The following XIRP2 variants were observed in gnomAD, a reference collection of about 807,000 sequenced individuals.
XIRP2 encodes the protein xin actin binding repeat containing 2.
XIRP2 carries 236 observed loss-of-function variants against 277.0 expected under a neutral mutation model. That is an observed-to-expected ratio of 0.85 (90% CI 0.77 to 0.95). The LOEUF (loss-of-function observed/expected upper bound fraction) is 0.95, where lower values mean the gene tolerates loss of function less well. Among genes scored for constraint, XIRP2 ranks in the 40% least tolerant of loss-of-function variants. XIRP2 has a pLI of 0.00. For missense variants in XIRP2, 4,640 were observed against 4,157.5 expected, an observed-to-expected ratio of 1.12 and a Z score of -3.19; for synonymous variants, 1,490 against 1,416.5, an observed-to-expected ratio of 1.05 and a Z score of -1.17.
Position 167,207,833 on chromosome 2 carries a change from C to A in XIRP2, c.563-2902C>A, listed in dbSNP as rs949451604. Reference sequence around the variant, plus strand: ...AGAACCTCAAAACCCTTAAAAAAGACATTCTTATCCTTGTTATCTAATAGC... The same window carrying A: ...AGAACCTCAAAACCCTTAAAAAAGAAATTCTTATCCTTGTTATCTAATAGC... On this transcript the variant is annotated intron_variant, in intron 3 of 10. Transcript: ENST00000409195. Among the ~76,000 whole-genome samples, 2 of 152,074 alleles carry A rather than the reference C, an allele frequency of 1.3e-5. 1 individual carries two copies. Among genetic ancestry groups the A allele is most frequent in the Admixed American group, 1.3e-4 (2 of 15,266 alleles).
chr2:167,175,996 T>C (rs1245917306), intron 3 of XIRP2, among the ~76,000 whole-genome samples: 2 of 152,156 alleles, frequency 1.3e-5, no homozygotes, highest in Non-Finnish European at 2.9e-5. Flanking sequence ...CCAGGTCGAC[T>C]TCAGAGTGCT....
At chr2:167,140,968 G>A (rs11902653) in intron 3 of XIRP2, 41,327 of 151,970 alleles carry the variant, frequency 0.27, 7,110 homozygotes, top group African/African-American at 0.5. Context: ...TCTGAGGACT[G>A]TGTAATGAAA....
intron 2 of XIRP2, among the ~76,000 whole-genome samples, chr2:167,007,050 G>T (rs1011409723): frequency 6.6e-6 from 1 of 151,544 alleles, no homozygotes; most frequent in African/African-American, 2.4e-5. Flanking sequence ...TAGCAACAAT[G>T]TTTCACTGCA....
chr2:167,181,374 T>A (rs548961245), intron 3 of XIRP2, among the ~76,000 whole-genome samples: 1 of 152,342 alleles, frequency 6.6e-6, no homozygotes, highest in South Asian at 2.1e-4. Flanking sequence ...TGATTCACGT[T>A]TGTTGCTCAC....
At chr2:166,988,586 G>A (rs897757212) in intron 2 of XIRP2, among the ~76,000 whole-genome samples, 6 of 135,478 alleles carry the variant, frequency 4.4e-5, no homozygotes, top group Admixed American at 1.4e-4. Context: ...GCCAGACAGT[G>A]GGCGCAGGCC....
intron 3 of XIRP2, among the ~76,000 whole-genome samples, chr2:167,173,654 G>A (rs1692759022): frequency 6.6e-6 from 1 of 152,124 alleles, no homozygotes; most frequent in Admixed American, 6.6e-5. Context: ...ACCCAGCAGT[G>A]GGATTGTTGG....
At chr2:167,152,341 G>T (rs964919143) in intron 3 of XIRP2, among the ~76,000 whole-genome samples, 1 of 150,212 alleles carries the variant, frequency 6.7e-6, no homozygotes, top group Admixed American at 6.7e-5. Flanking sequence ...GCTGCCCCCC[G>T]CCCCCAGTTT....
chr2:166,988,897 C>A (rs1687093360), intron 2 of XIRP2, among the ~76,000 whole-genome samples: 1 of 109,608 alleles, frequency 9.1e-6, no homozygotes, highest in Non-Finnish European at 1.8e-5. Flanking sequence ...GAGGGGCGCC[C>A]GCCATTGCCC....
In XIRP2 at chr2:167,249,851, A is replaced by G. The variant is rs1391052734; in HGVS notation, c.8459A>G (p.Glu2820Gly). The change falls in exon 9 of 11, where the codon GAA becomes GGA. Residue 2820 changes from glutamate (E) to glycine (G), a missense_variant. Glu to Gly is a moderately conservative substitution (Grantham distance 98). Coordinates refer to ENST00000409195, the MANE Select transcript of XIRP2 (RefSeq NM_152381.6). Reference sequence around the variant, plus strand: ...AGAGGGAAACTTCCAGGAAGTGAAGAAAAAAATCAGGGACCATCAATGATT... The same window carrying G: ...AGAGGGAAACTTCCAGGAAGTGAAGGAAAAAATCAGGGACCATCAATGATT... Reference protein sequence around the residue: ...SDRGKLPGSEEKNQGPSMIGR... With the variant: ...SDRGKLPGSEGKNQGPSMIGR... 6.2e-7 allele frequency: 1 copy of G among 1,613,474 alleles called. No individual in the cohort carries two copies. Among genetic ancestry groups the G allele is most frequent in the African/African-American group, 1.3e-5 (1 of 74,852 alleles).
intron 2 of XIRP2, among the ~76,000 whole-genome samples, chr2:167,061,151 G>C (rs1558965447): frequency 6.6e-6 from 1 of 151,876 alleles, no homozygotes; most frequent in East Asian, 1.9e-4. Flanking sequence ...ATTTCCAATT[G>C]TTTGTTACAA....
Position 167,218,170 on chromosome 2 carries a change from T to C in XIRP2, c.728T>C (p.Met243Thr), listed in dbSNP as rs1006284513. ...GDCRSFSANM[M>T]EESEMCAVPG... is the part of the protein sequence containing the mutation. ...CTTTTTCTTAAATCATCCTAGATGA[T>C]GGAAGAATCAGAAATGTGCGCAGTG... Residue 243 changes from methionine to threonine, a missense_variant, in exon 5 of 11, where the codon ATG becomes ACG. Physicochemically the swap from Met to Thr is moderately conservative, Grantham distance 81. Transcript: ENST00000409195. 2 of 1,587,898 alleles carry C rather than the reference T, an allele frequency of 1.3e-6. No individual in the cohort carries two copies. Among genetic ancestry groups the C allele is most frequent in the East Asian group, 2.2e-5 (1 of 44,450 alleles).
At chr2:167,239,745 A>G in intron 5 of XIRP2, 110 bp from the exon 6 acceptor site, 1 of 899,262 alleles carries the variant, frequency 1.1e-6, no homozygotes, top group Non-Finnish European at 1.7e-6. Flanking sequence ...AAACTAATAT[A>G]CTAAAGAATC....
chr2:167,076,427 T>A (rs915409322), intron 2 of XIRP2, among the ~76,000 whole-genome samples: 12 of 152,202 alleles, frequency 7.9e-5, no homozygotes, highest in Admixed American at 6.5e-4. Context: ...CAGAAAATAT[T>A]GTCTATTATT....
intron 2 of XIRP2, among the ~76,000 whole-genome samples, chr2:166,933,067 T>TACACACACACACACACACATAC (rs1685391747): frequency 6.7e-6 from 1 of 149,762 alleles, no homozygotes; most frequent in Non-Finnish European, 1.5e-5. Context: ...TTTGTTAATC[T>TACACACACACACACACACATAC]ACACACACAC....
intron 2 of XIRP2, among the ~76,000 whole-genome samples, chr2:167,047,916 T>C (rs915738913): frequency 6.6e-6 from 1 of 151,988 alleles, no homozygotes; most frequent in African/African-American, 2.4e-5. Context: ...TGAAGGTTAA[T>C]TAAACTTTCT....
intron 3 of XIRP2, among the ~76,000 whole-genome samples, chr2:167,165,119 C>A (rs1323673498): frequency 6.6e-6 from 1 of 152,086 alleles, no homozygotes; most frequent in Admixed American, 6.6e-5. Context: ...TTCAGACTAG[C>A]TTCTTTCATT....
intron 1 of XIRP2, among the ~76,000 whole-genome samples, chr2:166,899,424 T>G (rs937302084): frequency 6.6e-6 from 1 of 152,104 alleles, no homozygotes; most frequent in Non-Finnish European, 1.5e-5. Context: ...AAATAGAATG[T>G]ATACTATTAT....
chr2:167,250,121 T>C lies in XIRP2; in HGVS notation c.8729T>C (p.Phe2910Ser), dbSNP rs147718757. The stretch of plus-strand genomic sequence containing the variant: ...AAGGGCATACAAGAGAAACAAGTCT[T>C]CTCTAATACTAAAGATTCAAAGCAA... The part of the protein sequence containing the change: ...EVKGIQEKQV[F>S]SNTKDSKQEI... The change falls in exon 9 of 11, where the codon TTC becomes TCC. Residue 2910 changes from phenylalanine (F) to serine (S), a missense_variant. Phe to Ser is a radical substitution (Grantham distance 155). Transcript: ENST00000409195. The C allele has an allele frequency of 8.1e-5, 131 of 1,613,186 alleles. No homozygotes were observed. Among genetic ancestry groups the C allele is most frequent in the Middle Eastern group, 1.7e-4 (1 of 6,052 alleles).
intron 2 of XIRP2, among the ~76,000 whole-genome samples, chr2:167,088,752 TC>T (rs1690045461): frequency 6.6e-6 from 1 of 152,170 alleles, no homozygotes. Flanking sequence ...AAACACATTT[TC>T]CTTTCTGCAA....
Sources: allele counts gnomAD v4.1 joint callset (sites outside exome capture counted in the v4.1 genomes callset), GRCh38; gene constraint gnomAD v4.1.1; transcripts MANE v1.5; gene names NCBI Gene and HGNC (gene_info 2026-07-23, HGNC 2026-07-21).